ZSCAN21: variants seen among roughly 807,000 people sequenced by gnomAD.
ZSCAN21 encodes the protein zinc finger and SCAN domain containing 21.
Under a neutral mutation model 35.6 loss-of-function variants are expected in ZSCAN21, and 26 were observed. That is an observed-to-expected ratio of 0.73 (90% confidence interval 0.54 to 1.01). The LOEUF (loss-of-function observed/expected upper bound fraction) is 1.01, where lower values mean the gene tolerates loss of function less well. Ranked by LOEUF, ZSCAN21 falls within the 50% of genes least tolerant of loss-of-function variation. The pLI is 0.00. For synonymous variants in ZSCAN21, 219 were observed against 219.3 expected, an observed-to-expected ratio of 1.00 and a Z score of 0.01; for missense variants, 593 against 587.1, an observed-to-expected ratio of 1.01 and a Z score of -0.10.
intron 3 of ZSCAN21, among the ~76,000 whole-genome samples, chr7:100,060,101 G>A (rs1481173329): frequency 6.6e-6 from 1 of 152,238 alleles, no homozygotes; most frequent in African/African-American, 2.4e-5. Flanking sequence ...AATGAAGAAT[G>A]CAATGGCTGT....
At position 100,064,879 on chromosome 7, in the gene ZSCAN21, A is replaced by AC. The variant is rs1262634680; in HGVS notation, c.*264dup. On this transcript the variant is annotated 3_prime_UTR_variant, in exon 4 of 4. Coordinates refer to ENST00000292450, the MANE Select transcript of ZSCAN21 (RefSeq NM_145914.3). The stretch of plus-strand genomic sequence containing the variant: ...GGTCCCAGTAAGCCATGCCAGCATT[A>AC]CCTTTTGCGTAGTTAAACAGACGTG... 6.2e-7 allele frequency: 1 copy of AC among 1,603,798 alleles called. No individual in the cohort carries two copies. The highest frequency in any genetic ancestry group is 2.3e-5 in the East Asian group (1 of 44,012).
chr7:100,060,148 A>G (rs901218970), intron 3 of ZSCAN21, among the ~76,000 whole-genome samples: 2 of 152,268 alleles, frequency 1.3e-5, no homozygotes, highest in African/African-American at 4.8e-5. Context: ...AAACAGAGGT[A>G]GATGGAAGGA....
chr7:100,062,281 CTTTTTTTTT>C (rs921079005), intron 3 of ZSCAN21, among the ~76,000 whole-genome samples: 9 of 96,648 alleles, frequency 9.3e-5, no homozygotes, highest in Non-Finnish European at 4.4e-5. Context: ...CTCAACTGTT[CTTTTTTTTT>C]TTTTTTTTTT....
rs886935327 is a variant in ZSCAN21 at position 100,061,614 on chromosome 7, C to T, written c.593-2174C>T. ...GAAGAGAAGTCTGTGTGTAGGCAAG[C>T]GATTGCTAATTATGGAGAGTGTGAA... On this transcript the variant is annotated intron_variant, in intron 3 of 3. Transcript: ENST00000292450. 6.6e-5 allele frequency among the ~76,000 whole-genome samples: 10 copies of T among 152,162 alleles called. No homozygotes were observed. In the South Asian group the frequency reaches 8.3e-4, roughly 13 times the overall value.
At chr7:100,063,578 C>A (rs1335917324) in intron 3 of ZSCAN21, among the ~76,000 whole-genome samples, 1 of 151,700 alleles carries the variant, frequency 6.6e-6, no homozygotes, top group Non-Finnish European at 1.5e-5. Context: ...AGCCTGCTGA[C>A]AGCGAGACTC....
chr7:100,055,798 C>A (rs950872855), intron 1 of ZSCAN21, among the ~76,000 whole-genome samples: 4 of 151,844 alleles, frequency 2.6e-5, no homozygotes, highest in Non-Finnish European at 5.9e-5. Flanking sequence ...TGCAACCACG[C>A]CCGGCTAACT....
intron 3 of ZSCAN21, among the ~76,000 whole-genome samples, chr7:100,060,256 C>G (rs978397819): frequency 2.0e-5 from 3 of 151,884 alleles, no homozygotes; most frequent in Admixed American, 1.3e-4. Context: ...AATAGCTGTT[C>G]CAGAGGAGGC....
chr7:100,051,203 AG>A (rs1791856595), intron 1 of ZSCAN21, among the ~76,000 whole-genome samples: 2 of 139,272 alleles, frequency 1.4e-5, no homozygotes, highest in African/African-American at 2.6e-5. Flanking sequence ...AAAAAAAAAA[AG>A]GAAGAACTTG....
intron 3 of ZSCAN21, among the ~76,000 whole-genome samples, chr7:100,059,751 C>A (rs2116121637): frequency 6.6e-6 from 1 of 151,744 alleles, no homozygotes; most frequent in Non-Finnish European, 1.5e-5. Context: ...GTCTTGTTGC[C>A]CAGGCTGGAG....
chr7:100,056,903 T>C lies in ZSCAN21; in HGVS notation c.-96-8T>C. On this transcript the variant is annotated splice_polypyrimidine_tract_variant and splice_region_variant and intron_variant, in intron 1 of 3. Transcript: ENST00000292450. ...TTTGATTATTTTTTGGTAACTATAT[T>C]TTCTTAGGTTTAACTTGTGGCCCTA... The C allele has an allele frequency of 8.1e-7, 1 of 1,232,880 alleles. No homozygotes were observed. The highest frequency in any genetic ancestry group is 1.1e-6 in the Non-Finnish European group (1 of 903,840). 76.4% of individuals were successfully genotyped at this position (1,232,880 alleles called of 1,614,324 possible).
rs776069189 is a variant in ZSCAN21 at position 100,064,131 on chromosome 7, A to G, written c.936A>G (p.Lys312=). The G allele has an allele frequency of 1.9e-6, 3 of 1,613,828 alleles. No homozygotes were observed. The highest frequency in any genetic ancestry group is 2.5e-6 in the Non-Finnish European group (3 of 1,179,986). Residue 312 remains lysine (K), a synonymous_variant, in exon 4 of 4, where the codon AAA becomes AAG. Coordinates refer to ENST00000292450, the MANE Select transcript of ZSCAN21 (RefSeq NM_145914.3). ...CTTACGTGTGCACCAAGTGTGGGAA[A>G]GCTTTCAGCCACAGCTCAAACCTCA... The part of the protein sequence containing the change: ...EKPYVCTKCG[K]AFSHSSNLTL...
In ZSCAN21 at chr7:100,064,513, G is replaced by C; in HGVS notation, c.1318G>C (p.Gly440Arg). ...NFNKHHRIHT[G>R]EKPYWCHHCG... ...CAATAAACACCACAGAATCCACACC[G>C]GGGAAAAGCCCTACTGGTGTCATCA... Residue 440 changes from glycine (G) to arginine (R), a missense_variant, in exon 4 of 4, where the codon GGG becomes CGG. Transcript: ENST00000292450. The C allele has an allele frequency of 6.2e-7, 1 of 1,614,076 alleles. No individual in the cohort carries two copies. Among genetic ancestry groups the C allele is most frequent in the Non-Finnish European group, 8.5e-7 (1 of 1,180,014 alleles).
In ZSCAN21 at chr7:100,064,759, T is replaced by C; in HGVS notation, c.*142T>C. 1 of 1,614,006 alleles carries C rather than the reference T, an allele frequency of 6.2e-7. No individual in the cohort carries two copies. The highest frequency in any genetic ancestry group is 8.5e-7 in the Non-Finnish European group (1 of 1,179,986). On this transcript the variant is annotated 3_prime_UTR_variant, in exon 4 of 4. Transcript: ENST00000292450. ...CAGGGGATGCCTGAGGAGTGCGAGCTCCACAGCAACATGGCAGGCAGGAGG... is the reference window on the plus strand; with the variant it reads ...CAGGGGATGCCTGAGGAGTGCGAGCCCCACAGCAACATGGCAGGCAGGAGG...
intron 3 of ZSCAN21, among the ~76,000 whole-genome samples, chr7:100,058,376 A>G (rs1792159821): frequency 6.6e-6 from 1 of 152,072 alleles, no homozygotes; most frequent in Non-Finnish European, 1.5e-5. Context: ...ATGAGGAGAA[A>G]ACGGAATAAA....
At position 100,064,007 on chromosome 7, in the gene ZSCAN21, C is replaced by T; in HGVS notation, c.812C>T (p.Thr271Ile). The T allele has an allele frequency of 6.2e-7, 1 of 1,614,160 alleles. No homozygotes were observed. The highest frequency in any genetic ancestry group is 8.5e-7 in the Non-Finnish European group (1 of 1,180,022). ...AGAGAATCAGTTCCTACTAAACCTA[C>T]CCCAGGAGAGAGACGTTATATATGT... is the stretch of plus-strand genomic sequence containing the variant. ...KGRESVPTKPTPGERRYICAE... is the reference protein window; with the variant it reads ...KGRESVPTKPIPGERRYICAE... The change falls in exon 4 of 4, where the codon ACC becomes ATC. Residue 271 changes from threonine to isoleucine, a missense_variant. Coordinates refer to ENST00000292450, the MANE Select transcript of ZSCAN21 (RefSeq NM_145914.3).
rs148210594 is a variant in ZSCAN21 at position 100,059,084 on chromosome 7, G to T, written c.592+1194G>T. Among the ~76,000 whole-genome samples, 68 of 152,272 alleles carry T rather than the reference G, an allele frequency of 4.5e-4. No individual in the cohort carries two copies. The East Asian group carries it at 0.013, about 29-fold the overall frequency. On this transcript the variant is annotated intron_variant, in intron 3 of 3. Transcript: ENST00000292450. ...ACCAGGACTTTGCTTACGTGTTGGT[G>T]GTGTAGACCACTATTTATGTGTGTG...
rs1207211079 is a variant in ZSCAN21 at position 100,064,408 on chromosome 7, T to A, written c.1213T>A (p.Ser405Thr). Residue 405 changes from serine (S) to threonine (T), a missense_variant, in exon 4 of 4, where the codon TCC becomes ACC. By Grantham distance (58) the Ser-to-Thr change is moderately conservative. Transcript: ENST00000292450. The stretch of plus-strand genomic sequence containing the variant: ...CTTCAGTCAGCATGCGGGCCTCAGC[T>A]CCCACCAGAGACTCCACACCGGAGA... ...KSFSQHAGLSSHQRLHTGEKP... is the reference protein window; with the variant it reads ...KSFSQHAGLSTHQRLHTGEKP... 6.3e-7 allele frequency: 1 copy of A among 1,598,322 alleles called. No individual in the cohort carries two copies. The highest frequency in any genetic ancestry group is 8.5e-7 in the Non-Finnish European group (1 of 1,173,048).
In ZSCAN21 at chr7:100,057,727, G is replaced by C. The variant is rs778105247; in HGVS notation, c.429G>C (p.Pro143=). ...QVSTPPNEQK[P]VWEKISSSGT... ...CAACTCCTCCAAACGAACAGAAACC[G>C]GTGTGGGAGAAGATATCCTCCTCAG... Residue 143 remains proline (P), a synonymous_variant, in exon 3 of 4, where the codon CCG becomes CCC. Coordinates refer to ENST00000292450, the MANE Select transcript of ZSCAN21 (RefSeq NM_145914.3). 3 of 1,613,068 alleles carry C rather than the reference G, an allele frequency of 1.9e-6. No individual in the cohort carries two copies. Among genetic ancestry groups the C allele is most frequent in the African/African-American group, 2.7e-5 (2 of 74,850 alleles).
rs762429425 is a variant in ZSCAN21, at chr7:100,057,335, C to T, written c.329C>T (p.Pro110Leu). The T allele has an allele frequency of 6.2e-6, 10 of 1,605,962 alleles. No individual in the cohort carries two copies. The South Asian group carries it at 6.7e-5, about 11-fold the overall frequency. Residue 110 changes from proline (P) to leucine (L), a missense_variant, in exon 2 of 4, where the codon CCG becomes CTG. Transcript: ENST00000292450. ...ELQAWVQEHC[P>L]ESAEEAVTLL... is the part of the protein sequence containing the mutation. Reference sequence around the variant, plus strand: ...CAGGCCTGGGTGCAGGAGCATTGCCCGGAGAGCGCTGAAGAGGCTGTCACT... The same window carrying T: ...CAGGCCTGGGTGCAGGAGCATTGCCTGGAGAGCGCTGAAGAGGCTGTCACT...
Sources: gnomAD v4.1 joint callset for allele counts (sites outside exome capture counted in the v4.1 genomes callset) on GRCh38, gnomAD v4.1.1 for gene constraint, MANE v1.5 for transcripts, NCBI Gene and HGNC (gene_info 2026-07-23, HGNC 2026-07-21) for gene names.